Variants in ACYP2 observed in about 807,000 individuals in gnomAD.
The protein encoded by ACYP2 is acylphosphatase 2.
Under a neutral mutation model 11.2 loss-of-function variants are expected in ACYP2, and 12 were observed. The observed-to-expected ratio is 1.08, with a 90% confidence interval of 0.69 to 1.74. The LOEUF (loss-of-function observed/expected upper bound fraction) is 1.74, where lower values mean the gene tolerates loss of function less well. ACYP2 is among the 40% of genes most tolerant of loss of function. ACYP2 has a pLI of 0.00. For synonymous variants in ACYP2, 43 were observed against 32.2 expected, an observed-to-expected ratio of 1.33 and a Z score of -1.13; for missense variants, 134 against 101.9, an observed-to-expected ratio of 1.31 and a Z score of -1.35.
chr2:54,113,589 A>G (rs1055965179), intron 4 of ACYP2, among the ~76,000 whole-genome samples: 1 of 152,144 alleles, frequency 6.6e-6, no homozygotes, highest in African/African-American at 2.4e-5. Flanking sequence ...GGTTGAATCT[A>G]TGGATGCAGA....
intron 6 of ACYP2, among the ~76,000 whole-genome samples, chr2:54,296,787 C>G (rs941283364): frequency 3.3e-5 from 5 of 152,120 alleles, no homozygotes; most frequent in African/African-American, 1.2e-4. Context: ...TATCAAATAA[C>G]CTGACTTCTA....
chr2:54,172,567 G>C (rs1683262873), intron 6 of ACYP2, among the ~76,000 whole-genome samples: 1 of 152,188 alleles, frequency 6.6e-6, no homozygotes, highest in Non-Finnish European at 1.5e-5. Flanking sequence ...ATGTGGATGA[G>C]TAGAATAAAT....
chr2:54,057,867 C>T (rs1467427712), intron 4 of ACYP2, among the ~76,000 whole-genome samples: 2 of 152,110 alleles, frequency 1.3e-5, no homozygotes, highest in East Asian at 3.8e-4. Context: ...TAAGGCAGAG[C>T]AGAGGAAGAG....
intron 2 of ACYP2, among the ~76,000 whole-genome samples, chr2:53,993,496 C>A (rs1468936647): frequency 6.7e-6 from 1 of 150,338 alleles, no homozygotes; most frequent in Non-Finnish European, 1.5e-5. Flanking sequence ...TCAGGAGTTC[C>A]AGACCAACCT....
chr2:54,042,439 T>G (rs950656813), intron 2 of ACYP2, among the ~76,000 whole-genome samples: 1 of 152,244 alleles, frequency 6.6e-6, no homozygotes, highest in African/African-American at 2.4e-5. Flanking sequence ...GGTCATAGAG[T>G]ACAGGGGTTA....
chr2:54,057,206 T>G (rs931002946), intron 3 of ACYP2: 1 of 397,370 alleles, frequency 2.5e-6, no homozygotes, highest in African/African-American at 2.1e-5. Context: ...GTGATGAACT[T>G]TTTCTTACTG....
chr2:54,091,611 A>T (rs1026850237), intron 4 of ACYP2, among the ~76,000 whole-genome samples: 1 of 151,926 alleles, frequency 6.6e-6, no homozygotes, highest in African/African-American at 2.4e-5. Flanking sequence ...TCCTGGGTTC[A>T]AACAATTTTT....
At chr2:54,080,068 T>C in intron 4 of ACYP2, 1 of 203,456 alleles carries the variant, frequency 4.9e-6, no homozygotes, top group Admixed American at 4.4e-5. Context: ...GATTCCTGAC[T>C]ACCTTGCTGT....
chr2:54,211,655 C>T (rs1409661634), intron 6 of ACYP2, among the ~76,000 whole-genome samples: 6 of 152,092 alleles, frequency 3.9e-5, no homozygotes, highest in African/African-American at 1.4e-4. Context: ...TCATGTATTA[C>T]TGGTTATATT....
At chr2:54,183,661 A>C (rs996018286) in intron 6 of ACYP2, among the ~76,000 whole-genome samples, 11 of 152,246 alleles carry the variant, frequency 7.2e-5, no homozygotes, top group Non-Finnish European at 1.2e-4. Context: ...AAATTATAGC[A>C]ATTGCAAAAA....
At chr2:54,044,454 A>G (rs1184844104) in intron 2 of ACYP2, among the ~76,000 whole-genome samples, 1 of 151,834 alleles carries the variant, frequency 6.6e-6, no homozygotes, top group Non-Finnish European at 1.5e-5. Context: ...AAGAAAAAAA[A>G]AAAAAGCCAA....
At chr2:54,190,909 A>G (rs1042188314) in intron 6 of ACYP2, among the ~76,000 whole-genome samples, 2 of 152,196 alleles carry the variant, frequency 1.3e-5, no homozygotes, top group African/African-American at 4.8e-5. Flanking sequence ...TATATGAGCA[A>G]AAGTCCCTTT....
chr2:54,068,594 TC>T (rs747074090), intron 4 of ACYP2, among the ~76,000 whole-genome samples: 6 of 152,218 alleles, frequency 3.9e-5, no homozygotes, highest in South Asian at 2.1e-4. Context: ...TTTCAGTTCT[TC>T]CCTCCAGCCT....
At chr2:54,092,124 T>C (rs1335309944) in intron 4 of ACYP2, among the ~76,000 whole-genome samples, 1 of 152,068 alleles carries the variant, frequency 6.6e-6, no homozygotes, top group East Asian at 1.9e-4. Flanking sequence ...TACTGGATGG[T>C]TGAAGAAGAA....
intron 4 of ACYP2, among the ~76,000 whole-genome samples, chr2:54,114,840 G>A (rs539908530): frequency 6.6e-6 from 1 of 152,262 alleles, no homozygotes; most frequent in Non-Finnish European, 1.5e-5. Flanking sequence ...TTTAGAATAC[G>A]AGTTCAGGCT....
chr2:54,039,817 TTTTGTGTGTG>T (rs1342370191), intron 2 of ACYP2, among the ~76,000 whole-genome samples: 2 of 106,404 alleles, frequency 1.9e-5, no homozygotes, highest in Middle Eastern at 4.4e-3. Context: ...ATTTGTTTTC[TTTTGTGTGTG>T]TGTGTGTGTG....
rs750362704 is a variant in ACYP2, at chr2:54,022,668, C to T, written c.63-28290C>T. 2.6e-5 allele frequency among the ~76,000 whole-genome samples: 4 copies of T among 152,116 alleles called. No individual in the cohort carries two copies. The South Asian group carries it at 6.2e-4, about 24-fold the overall frequency. ...GTATTGGGATTACCCGGGCATGAGC[C>T]GCTGTGCCAGGCCCATATTTAAAAT... is the stretch of plus-strand genomic sequence containing the variant. On this transcript the variant is annotated intron_variant, in intron 2 of 6. Transcript: ENST00000607452.
chr2:54,180,381 C>T (rs180793950), intron 6 of ACYP2, among the ~76,000 whole-genome samples: 298 of 152,114 alleles, frequency 2.0e-3, no homozygotes, highest in Non-Finnish European at 3.1e-3. Context: ...ATATCTTAAA[C>T]CTGTTATCAT....
At chr2:54,188,094 C>T (rs11890605) in intron 6 of ACYP2, among the ~76,000 whole-genome samples, 7,649 of 152,156 alleles carry the variant, frequency 0.05, 298 homozygotes, top group African/African-American at 0.1. Context: ...TTAAATTTCT[C>T]CTCTTTATAA....
Sources: gnomAD v4.1 joint callset for allele counts (sites outside exome capture counted in the v4.1 genomes callset) on GRCh38, gnomAD v4.1.1 for gene constraint, MANE v1.5 for transcripts, NCBI Gene and HGNC (gene_info 2026-07-23, HGNC 2026-07-21) for gene names.